Variants in TDRD9 observed in about 807,000 individuals in gnomAD.
TDRD9 encodes the protein tudor domain containing 9.
Under a neutral mutation model 172.6 loss-of-function variants are expected in TDRD9, and 124 were observed. The observed-to-expected ratio is 0.72, with a 90% CI of 0.62 to 0.83. The LOEUF is 0.83. Among genes scored for constraint, TDRD9 ranks in the 40% least tolerant of loss-of-function variants. TDRD9 has a pLI of 0.00. For missense variants in TDRD9, 1,479 were observed against 1,714.1 expected (o/e 0.86, Z 2.42); for synonymous variants, 619 against 617.1 (o/e 1.00, Z -0.05).
chr14:104,014,981 G>A (rs1011664783), intron 21 of TDRD9, 140 bp downstream of exon 21: 7 of 472,690 alleles, frequency 1.5e-5, no homozygotes, highest in East Asian at 6.6e-5. Context: ...TTCATACTGC[G>A]TTTGGGAACC....
At chr14:103,994,423 C>A in intron 10 of TDRD9, 37 bp downstream of exon 10, 2 of 1,606,162 alleles carry the variant, frequency 1.2e-6, no homozygotes, top group Non-Finnish European at 1.7e-6. Context: ...TCTTCTAAGC[C>A]ATTGCATTGT....
chr14:104,036,103 T>C (rs1377060879), intron 32 of TDRD9, among the ~76,000 whole-genome samples: 2 of 152,134 alleles, frequency 1.3e-5, no homozygotes, highest in African/African-American at 2.4e-5. Flanking sequence ...ATAGTATACT[T>C]ATTTTAAATT....
Position 104,005,367 on chromosome 14 carries a change from C to T in TDRD9, c.1675C>T (p.Leu559=), listed in dbSNP as rs780664240. 1 of 1,613,980 alleles carries T rather than the reference C, an allele frequency of 6.2e-7. No individual in the cohort carries two copies. The highest frequency in any genetic ancestry group is 2.2e-5 in the East Asian group (1 of 44,890). The change falls in exon 15 of 36, where the codon CTG becomes TTG. Residue 559 remains leucine (L), a synonymous_variant. Coordinates refer to ENST00000409874, the MANE Select transcript of TDRD9 (RefSeq NM_153046.3). The stretch of plus-strand genomic sequence containing the variant: ...GGCCACTGCCCTTTCCCCGCCTGGT[C>T]TGAGTGACATTGAGCGCACCATCCT... ...LLATALSPPG[L]SDIERTILLL...
At chr14:103,964,671 C>T (rs544265384) in intron 3 of TDRD9, among the ~76,000 whole-genome samples, 131 of 152,168 alleles carry the variant, frequency 8.6e-4, no homozygotes, top group African/African-American at 3.0e-3. Context: ...GGACTACAGG[C>T]GCGCTACCAT....
intron 7 of TDRD9, among the ~76,000 whole-genome samples, chr14:103,977,678 T>A (rs1292945558): frequency 6.9e-6 from 1 of 144,014 alleles, no homozygotes; most frequent in East Asian, 2.1e-4. Flanking sequence ...TTTGATATAA[T>A]CCTATTTGTC....
chr14:103,976,165 C>G (rs2033232119), intron 7 of TDRD9, among the ~76,000 whole-genome samples: 1 of 152,174 alleles, frequency 6.6e-6, no homozygotes, highest in African/African-American at 2.4e-5. Context: ...ATTTCACTAA[C>G]TTCACTCAGC....
chr14:104,024,656 C>G lies in TDRD9; in HGVS notation c.2694C>G (p.Leu898=). 6.2e-7 allele frequency: 1 copy of G among 1,607,236 alleles called. No individual in the cohort carries two copies. Among genetic ancestry groups the G allele is most frequent in the Non-Finnish European group, 8.5e-7 (1 of 1,174,466 alleles). ...TSDRSQTVTD[L]LLTIDVTEVV... The stretch of plus-strand genomic sequence containing the variant: ...ACAGGTCCCAGACAGTTACAGATCT[C>G]CTTCTAACTATTGATGTCACAGAGG... The change falls in exon 25 of 36, where the codon CTC becomes CTG. Residue 898 remains leucine, a synonymous_variant. Coordinates refer to ENST00000409874, the MANE Select transcript of TDRD9 (RefSeq NM_153046.3).
intron 3 of TDRD9, among the ~76,000 whole-genome samples, chr14:103,964,230 T>C (rs1340886249): frequency 6.6e-6 from 1 of 152,110 alleles, no homozygotes; most frequent in Non-Finnish European, 1.5e-5. Context: ...GTGACAGAGC[T>C]AGAGCCTGTG....
At chr14:104,006,752 G>A (rs1330813834) in intron 17 of TDRD9, 30 bp from the exon 18 acceptor site, 3 of 1,612,644 alleles carry the variant, frequency 1.9e-6, no homozygotes, top group Non-Finnish European at 2.5e-6. Flanking sequence ...TATTTTAATG[G>A]TATTGAATGA....
In TDRD9 at chr14:104,025,549, C is replaced by T. The variant is rs1366654677; in HGVS notation, c.2719-15C>T. On this transcript the variant is annotated splice_polypyrimidine_tract_variant and intron_variant, in intron 25 of 35. Coordinates refer to ENST00000409874, the MANE Select transcript of TDRD9 (RefSeq NM_153046.3). ...CTTTCTAGATTTCATCTCTTCTCCT[C>T]CTCTTCCTTTTTAGGTGGTTGAAGT... The T allele has an allele frequency of 1.9e-6, 3 of 1,609,888 alleles. No homozygotes were observed. The highest frequency in any genetic ancestry group is 2.5e-6 in the Non-Finnish European group (3 of 1,176,494).
chr14:103,947,789 G>T (rs1308911420), intron 1 of TDRD9, among the ~76,000 whole-genome samples: 1 of 152,144 alleles, frequency 6.6e-6, no homozygotes, highest in Non-Finnish European at 1.5e-5. Context: ...AAAACTGAGG[G>T]CACAAACTTC....
At chr14:103,972,302 AT>A (rs1413917254) in intron 6 of TDRD9, among the ~76,000 whole-genome samples, 1 of 129,302 alleles carries the variant, frequency 7.7e-6, no homozygotes, top group Non-Finnish European at 1.7e-5. Context: ...GAGAGACTGC[AT>A]TTAAAAAAAA....
At chr14:103,966,528 C>T (rs569045880) in intron 4 of TDRD9, among the ~76,000 whole-genome samples, 181 bp from the exon 5 acceptor site, 16 of 152,066 alleles carry the variant, frequency 1.1e-4, no homozygotes, top group African/African-American at 3.4e-4. Flanking sequence ...CAACCCCTGC[C>T]GCCCTCCCCC....
At chr14:104,011,804 A>G (rs957553957) in intron 20 of TDRD9, among the ~76,000 whole-genome samples, 3 of 152,220 alleles carry the variant, frequency 2.0e-5, no homozygotes, top group Non-Finnish European at 2.9e-5. Flanking sequence ...CCCCAAGACC[A>G]TCCTCAGGTT....
chr14:103,985,821 C>T (rs2033639807), intron 7 of TDRD9, among the ~76,000 whole-genome samples: 1 of 152,110 alleles, frequency 6.6e-6, no homozygotes, highest in South Asian at 2.1e-4. Context: ...TCTTAGGGCT[C>T]TTTGAGGTGG....
At chr14:103,934,121 A>G (rs1196316359) in intron 1 of TDRD9, among the ~76,000 whole-genome samples, 1 of 151,694 alleles carries the variant, frequency 6.6e-6, no homozygotes, top group South Asian at 2.1e-4. Context: ...TGCTCAAGCA[A>G]TTTTCCTTCC....
chr14:103,937,228 G>A (rs958711467), intron 1 of TDRD9, among the ~76,000 whole-genome samples: 3 of 152,148 alleles, frequency 2.0e-5, no homozygotes, highest in South Asian at 2.1e-4. Flanking sequence ...CTTGGCGAGC[G>A]TTCCTCCATT....
intron 13 of TDRD9, among the ~76,000 whole-genome samples, chr14:104,003,337 A>G (rs566861305): frequency 7.5e-4 from 115 of 152,340 alleles, no homozygotes; most frequent in African/African-American, 2.7e-3. Flanking sequence ...TTATGCCTTA[A>G]TAAACAAAAG....
At chr14:104,008,610 G>T (rs2034517972) in intron 20 of TDRD9, 144 bp downstream of exon 20, 5 of 611,934 alleles carry the variant, frequency 8.2e-6, no homozygotes, top group Non-Finnish European at 1.5e-5. Context: ...GCTTTAGTAG[G>T]AGTGTCTCTT....
Sources: gnomAD v4.1 joint callset for allele counts (sites outside exome capture counted in the v4.1 genomes callset) on GRCh38, gnomAD v4.1.1 for gene constraint, MANE v1.5 for transcripts, NCBI Gene and HGNC (gene_info 2026-07-23, HGNC 2026-07-21) for gene names.